TCF4: variants seen among roughly 807,000 people sequenced by gnomAD.
TCF4 encodes SL3-3 enhancer factor 2.
In TCF4, 3 loss-of-function variants were observed where a neutral mutation model predicts 82.1. That is an observed-to-expected ratio of 0.04 (90% CI 0.02 to 0.09). The LOEUF (loss-of-function observed/expected upper bound fraction) is 0.09, where lower values mean the gene tolerates loss of function less well. TCF4 is among the 10% of genes least tolerant of loss of function. The pLI is 1.00. For missense variants in TCF4, 518 were observed against 852.7 expected, an observed-to-expected ratio of 0.61 and a Z score of 4.89; for synonymous variants, 276 against 309.6, an observed-to-expected ratio of 0.89 and a Z score of 1.14.
chr18:55,302,484 TC>T (rs1188844115), intron 8 of TCF4: 73 of 1,536,052 alleles, frequency 4.8e-5, no homozygotes, highest in Non-Finnish European at 6.2e-5. Context: ...TTAAATTTCA[TC>T]CTGTGGTGTT....
intron 3 of TCF4, chr18:55,479,222 T>C (rs939573687): frequency 6.5e-6 from 1 of 152,736 alleles, no homozygotes; most frequent in Admixed American, 6.6e-5. Context: ...ACTTCCCCAA[T>C]GACAGGCCAT....
chr18:55,321,362 TAAAAAA>T, intron 8 of TCF4: 1 of 300,976 alleles, frequency 3.3e-6, no homozygotes. Context: ...CAAAACTCTT[TAAAAAA>T]AAAAAATCAT....
intron 3 of TCF4, among the ~76,000 whole-genome samples, chr18:55,555,034 C>T (rs1287973405): frequency 6.6e-6 from 1 of 152,104 alleles, no homozygotes; most frequent in Non-Finnish European, 1.5e-5. Context: ...GACCCATACT[C>T]ATACTTAGAT....
At chr18:55,481,373 A>G (rs1470899848) in intron 3 of TCF4, among the ~76,000 whole-genome samples, 1 of 152,218 alleles carries the variant, frequency 6.6e-6, no homozygotes, top group African/African-American at 2.4e-5. Flanking sequence ...ACAATCATTC[A>G]TTGTGAGGTA....
rs2046656887 is a variant in TCF4, at chr18:55,226,827, C to T, written c.*1208G>A. 1.3e-5 allele frequency: 2 copies of T among 152,354 alleles called. No homozygotes were observed. The highest frequency in any genetic ancestry group is 4.2e-4 in the South Asian group (2 of 4,814). The allele number at this position is 152,354 out of a possible 1,614,324, so 9.4% of individuals were successfully genotyped here. On this transcript the variant is annotated 3_prime_UTR_variant, in exon 20 of 20. Transcript: ENST00000354452. ...TTTTCCAAAAATCTGACCATGTATT[C>T]AGAAACGCCTCACTGCACACTACTT... is the stretch of plus-strand genomic sequence containing the variant.
chr18:55,577,892 A>C (rs931468111), intron 3 of TCF4, among the ~76,000 whole-genome samples: 1 of 152,098 alleles, frequency 6.6e-6, no homozygotes, highest in Non-Finnish European at 1.5e-5. Flanking sequence ...TAACTATTTG[A>C]AGTTTAAAAT....
At chr18:55,372,557 C>T (rs2089571500) in intron 6 of TCF4, among the ~76,000 whole-genome samples, 1 of 152,024 alleles carries the variant, frequency 6.6e-6, no homozygotes, top group Non-Finnish European at 1.5e-5. Flanking sequence ...GAGCTAACTA[C>T]AGGCAATTTA....
chr18:55,572,708 G>A (rs1438852060), intron 3 of TCF4, among the ~76,000 whole-genome samples: 2 of 152,078 alleles, frequency 1.3e-5, no homozygotes, highest in African/African-American at 4.8e-5. Flanking sequence ...AATTCAACAG[G>A]TCTAACTAAA....
chr18:55,623,827 T>C (rs2097723962), intron 2 of TCF4, among the ~76,000 whole-genome samples: 1 of 152,140 alleles, frequency 6.6e-6, no homozygotes, highest in Non-Finnish European at 1.5e-5. Context: ...TTTTAATATT[T>C]AATGGTTATT....
At chr18:55,413,060 A>G (rs965030924) in intron 5 of TCF4, among the ~76,000 whole-genome samples, 1 of 152,196 alleles carries the variant, frequency 6.6e-6, no homozygotes, top group Non-Finnish European at 1.5e-5. Context: ...GTGAACAAGA[A>G]TATAACAATG....
chr18:55,340,287 A>C lies in TCF4; in HGVS notation c.549+10072T>G, dbSNP rs546667190. Reference sequence around the variant, plus strand: ...CCGATGTACCAGTTCAAAAGAGAGAAGATAAAGTATTTCCAACACAAACTT... The same window carrying C: ...CCGATGTACCAGTTCAAAAGAGAGACGATAAAGTATTTCCAACACAAACTT... On this transcript the variant is annotated intron_variant, in intron 8 of 19. Coordinates refer to ENST00000354452, the MANE Select transcript of TCF4 (RefSeq NM_001083962.2). 3.7e-4 allele frequency among the ~76,000 whole-genome samples: 56 copies of C among 152,324 alleles called. No homozygotes were observed. In the South Asian group the frequency reaches 0.011, roughly 30 times the overall value.
chr18:55,250,035 G>A (rs1355126967), intron 15 of TCF4, among the ~76,000 whole-genome samples: 2 of 152,210 alleles, frequency 1.3e-5, no homozygotes, highest in African/African-American at 4.8e-5. Flanking sequence ...CTCTGAGGCA[G>A]AGAGGGAATC....
chr18:55,471,357 T>C (rs1286591678), intron 3 of TCF4, among the ~76,000 whole-genome samples: 1 of 152,118 alleles, frequency 6.6e-6, no homozygotes, highest in Non-Finnish European at 1.5e-5. Flanking sequence ...ACTTCCCAAA[T>C]CTGACTAAGC....
intron 8 of TCF4, among the ~76,000 whole-genome samples, chr18:55,301,532 T>C (rs1423943636): frequency 6.6e-6 from 1 of 152,200 alleles, no homozygotes; most frequent in Non-Finnish European, 1.5e-5. Context: ...CAGCCGCTTC[T>C]GAACAAACAA....
At chr18:55,480,958 G>C (rs1168298454) in intron 3 of TCF4, among the ~76,000 whole-genome samples, 1 of 152,016 alleles carries the variant, frequency 6.6e-6, no homozygotes, top group Non-Finnish European at 1.5e-5. Flanking sequence ...ACAAAAAATT[G>C]CTGGGCGTGG....
rs1176511744 is a variant in TCF4 at position 55,224,038 on chromosome 18, T to G, written c.*3997A>C. On this transcript the variant is annotated 3_prime_UTR_variant, in exon 20 of 20. Transcript: ENST00000354452. ...CGAAAAATAAGCCAAATATATTTTT[T>G]ATTTTTAAATTTAGTTTTTTTTTTT... is the stretch of plus-strand genomic sequence containing the variant. 1.3e-5 allele frequency: 2 copies of G among 148,284 alleles called. No homozygotes were observed. Among genetic ancestry groups the G allele is most frequent in the Non-Finnish European group, 3.0e-5 (2 of 66,608 alleles). The allele number at this position is 148,284 out of a possible 1,614,324, so 9.2% of individuals were successfully genotyped here. A position where few individuals can be genotyped will look rare whatever the true frequency, so the allele number is the denominator to read the frequency against.
intron 1 of TCF4, 68 bp downstream of exon 1, chr18:55,587,970 C>G (rs2097668453): frequency 3.1e-6 from 3 of 953,788 alleles, no homozygotes; most frequent in East Asian, 2.4e-4. Context: ...CGTGCGGGGC[C>G]GCCGAGCCCG....
At chr18:55,241,779 C>G (rs992849551) in intron 15 of TCF4, among the ~76,000 whole-genome samples, 1 of 152,146 alleles carries the variant, frequency 6.6e-6, no homozygotes, top group African/African-American at 2.4e-5. Flanking sequence ...ACGAATGAAC[C>G]ATTTCTTCCC....
At chr18:55,595,084 G>A (rs1273932656) in intron 2 of TCF4, among the ~76,000 whole-genome samples, 2 of 152,156 alleles carry the variant, frequency 1.3e-5, no homozygotes, top group African/African-American at 4.8e-5. Context: ...CCTTAAAATA[G>A]AACACTCAGA....
Sources: allele counts gnomAD v4.1 joint callset (sites outside exome capture counted in the v4.1 genomes callset), GRCh38; gene constraint gnomAD v4.1.1; transcripts MANE v1.5; gene names NCBI Gene and HGNC (gene_info 2026-07-23, HGNC 2026-07-21).